Variants in CACNA1G observed in about 807,000 individuals in gnomAD.
CACNA1G encodes calcium voltage-gated channel subunit alpha1 G.
Under a neutral mutation model 219.4 loss-of-function variants are expected in CACNA1G, and 67 were observed. The observed-to-expected ratio is 0.31, with a 90% CI of 0.25 to 0.37. CACNA1G has a LOEUF of 0.37. Ranked by LOEUF, CACNA1G falls within the 10% of genes least tolerant of loss-of-function variation. The pLI, the probability that CACNA1G is intolerant of heterozygous loss-of-function variation, is 1.00. For synonymous variants in CACNA1G, 1,296 were observed against 1,345.3 expected, an observed-to-expected ratio of 0.96 and a Z score of 0.80; for missense variants, 2,380 against 3,231.4, an observed-to-expected ratio of 0.74 and a Z score of 6.39.
Position 50,569,422 on chromosome 17 carries a change from C to T in CACNA1G, c.488+124C>T, listed in dbSNP as rs2038840610. The T allele has an allele frequency of 4.7e-6, 5 of 1,053,504 alleles. No individual in the cohort carries two copies. The South Asian group carries it at 7.3e-5, about 15-fold the overall frequency. 65.3% of individuals were successfully genotyped at this position (1,053,504 alleles called of 1,614,324 possible). A position where few individuals can be genotyped will look rare whatever the true frequency, so the allele number is the denominator to read the frequency against. On this transcript the variant is annotated intron_variant, in intron 3 of 37. Transcript: ENST00000359106. ...ACAGCACCACTTTCTCCCTGGCTAT[C>T]TCCTGAGGGTCTGAGGCTGCCCTGC...
chr17:50,586,877 CGGAGG>C, intron 9 of CACNA1G, among the ~76,000 whole-genome samples: 1 of 152,226 alleles, frequency 6.6e-6, no homozygotes, highest in African/African-American at 2.4e-5. Context: ...AGGTGACAGC[CGGAGG>C]GGAGGGGAGT....
chr17:50,590,331 C>G, intron 9 of CACNA1G, 140 bp from the exon 10 acceptor site: 1 of 951,342 alleles, frequency 1.1e-6, no homozygotes, highest in Non-Finnish European at 1.6e-6. Flanking sequence ...GGGTCCTCCC[C>G]ATGGGCCTGA....
chr17:50,623,838 A>T, intron 35 of CACNA1G, 69 bp from the exon 36 acceptor site: 1 of 1,512,974 alleles, frequency 6.6e-7, no homozygotes, highest in Non-Finnish European at 9.0e-7. Context: ...TTCTGTTGTC[A>T]GCGCTGCCTC....
intron 35 of CACNA1G, among the ~76,000 whole-genome samples, chr17:50,623,484 A>G (rs1225184788): frequency 6.6e-6 from 1 of 151,442 alleles, no homozygotes; most frequent in Non-Finnish European, 1.5e-5. Context: ...CCCTGTGGAC[A>G]CCGGGACTCC....
chr17:50,599,746 GCTT>G lies in CACNA1G; in HGVS notation c.3580_3582del (p.Ser1194del). ...TCGCACTGCCAGTGGCCGAGGGTCT[GCTT>G]CTGAGCACCAGGACTGCAATGGCAA... On this transcript the variant is annotated inframe_deletion, in exon 17 of 38. Transcript: ENST00000359106. 1 of 1,613,644 alleles carries G rather than the reference GCTT, an allele frequency of 6.2e-7. No homozygotes were observed. Among genetic ancestry groups the G allele is most frequent in the Non-Finnish European group, 8.5e-7 (1 of 1,179,822 alleles).
Position 50,596,494 on chromosome 17 carries a change from A to C in CACNA1G, c.2980-68A>C. On this transcript the variant is annotated intron_variant, in intron 14 of 37. Transcript: ENST00000359106. This position sits in a 1 kb window ranked among gnomAD's most constrained non-coding sequence, Gnocchi z 4.8. ...GTGGTGTGCGTGTGTGAAGAGAGGG[A>C]GGCCCGGTCCATCCCAACCACCCAA... The C allele has an allele frequency of 8.0e-7, 1 of 1,254,008 alleles. No individual in the cohort carries two copies. The highest frequency in any genetic ancestry group is 1.2e-5 in the South Asian group (1 of 82,536). The allele number at this position is 1,254,008 out of a possible 1,614,324, so 77.7% of individuals were successfully genotyped here.
At chr17:50,614,719 C>T (rs2050056485) in intron 26 of CACNA1G, among the ~76,000 whole-genome samples, 1 of 152,240 alleles carries the variant, frequency 6.6e-6, no homozygotes, top group Non-Finnish European at 1.5e-5. Context: ...AGGTGGGGCC[C>T]TCCCAGCTTG....
At chr17:50,592,166 C>G in intron 13 of CACNA1G, 74 bp downstream of exon 13, 1 of 1,488,912 alleles carries the variant, frequency 6.7e-7, no homozygotes, top group East Asian at 2.3e-5. Flanking sequence ...TCTTGAGCCT[C>G]CTCCCTCTGT....
rs1358197587 is a variant in CACNA1G at position 50,566,725 on chromosome 17, C to A, written c.243-2145C>A. Reference sequence around the variant, plus strand: ...TGATTGGTTGATTCGTTCATTCATTCATTCAGTCTTCCCAGGTATTGATCA... The same window carrying A: ...TGATTGGTTGATTCGTTCATTCATTAATTCAGTCTTCCCAGGTATTGATCA... On this transcript the variant is annotated intron_variant, in intron 1 of 37. Coordinates refer to ENST00000359106, the MANE Select transcript of CACNA1G (RefSeq NM_018896.5). Among the ~76,000 whole-genome samples the A allele has an allele frequency of 3.3e-5, 5 of 152,246 alleles. No homozygotes were observed. In the East Asian group the frequency reaches 9.6e-4, roughly 29 times the overall value.
intron 28 of CACNA1G, 110 bp downstream of exon 28, chr17:50,616,494 AG>A (rs2050632762): frequency 1.5e-6 from 1 of 653,552 alleles, no homozygotes; most frequent in East Asian, 2.9e-5. Context: ...TTAATTCCTG[AG>A]GTTCAGCCCC....
At position 50,627,348 on chromosome 17, in the gene CACNA1G, GA is replaced by G. The variant is rs199814348; in HGVS notation, c.*607del. The G allele has an allele frequency of 2.3e-3, 759 of 324,498 alleles. No individual in the cohort carries two copies. The highest frequency in any genetic ancestry group is 4.9e-3 in the South Asian group (209 of 42,660). The allele number at this position is 324,498 out of a possible 1,614,324, so 20.1% of individuals were successfully genotyped here. On this transcript the variant is annotated 3_prime_UTR_variant, in exon 38 of 38. Transcript: ENST00000359106. ...TAACCTCGTCATCATTTTCTGTAGG[GA>G]AAAAAAAAAGAAAAAGAAAAAATGA... is the stretch of plus-strand genomic sequence containing the variant.
Position 50,626,856 on chromosome 17 carries a change from G to A in CACNA1G, c.*105G>A, listed in dbSNP as rs910783778. ...AAAGTTCCATATAGACACCAAGGAG[G>A]CGGAGGCGCTCCTCCCTGCCTCAGT... is the stretch of plus-strand genomic sequence containing the variant. On this transcript the variant is annotated 3_prime_UTR_variant, in exon 38 of 38. Transcript: ENST00000359106. The surrounding 1 kb of genome is among the most constrained non-coding windows in gnomAD (Gnocchi z 4.3). 6.9e-7 allele frequency: 1 copy of A among 1,444,712 alleles called. No individual in the cohort carries two copies. The highest frequency in any genetic ancestry group is 9.7e-7 in the Non-Finnish European group (1 of 1,028,798). 89.5% of individuals were successfully genotyped at this position (1,444,712 alleles called of 1,614,324 possible). A position where few individuals can be genotyped will look rare whatever the true frequency, so the allele number is the denominator to read the frequency against.
intron 37 of CACNA1G, 109 bp from the exon 38 acceptor site, chr17:50,625,908 T>A (rs2053678853): frequency 1.6e-6 from 2 of 1,238,744 alleles, no homozygotes; most frequent in African/African-American, 3.0e-5. Flanking sequence ...CTTAGGATAG[T>A]CCTGCTGTGC....
rs1264897146 is a variant in CACNA1G, at chr17:50,561,583, G to A, written c.124G>A (p.Gly42Ser). Residue 42 changes from glycine to serine, a missense_variant, in exon 1 of 38, where the codon GGC becomes AGC. By Grantham distance (56) the Gly-to-Ser change is moderately conservative. This residue lies in a region of CACNA1G where 98 missense variants were observed against 85.5 expected (regional missense o/e 1.15). Transcript: ENST00000359106. ...PGPGSAEKDP[G>S]SADSEAEGLP... ...GCCGGGGTCAGCAGAAAAGGACCCGGGCAGCGCGGACTCCGAGGCGGAGGG... is the reference window on the plus strand; with the variant it reads ...GCCGGGGTCAGCAGAAAAGGACCCGAGCAGCGCGGACTCCGAGGCGGAGGG... 6.4e-7 allele frequency: 1 copy of A among 1,562,412 alleles called. No individual in the cohort carries two copies. The highest frequency in any genetic ancestry group is 8.6e-7 in the Non-Finnish European group (1 of 1,156,518).
intron 35 of CACNA1G, among the ~76,000 whole-genome samples, chr17:50,622,643 G>A (rs2052446430): frequency 6.6e-6 from 1 of 152,166 alleles, no homozygotes; most frequent in Admixed American, 6.5e-5. Flanking sequence ...GGCCCCTACA[G>A]CCTCCCTGGG....
intron 24 of CACNA1G, 181 bp from the exon 25 acceptor site, chr17:50,607,646 T>G (rs1038144760): frequency 1.7e-6 from 1 of 586,044 alleles, no homozygotes; most frequent in Admixed American, 3.0e-5. Flanking sequence ...GAATCTACTC[T>G]CCCCTTTACC....
At chr17:50,622,046 C>T (rs894461694) in intron 35 of CACNA1G, among the ~76,000 whole-genome samples, 3 of 152,220 alleles carry the variant, frequency 2.0e-5, no homozygotes, top group South Asian at 2.1e-4. Context: ...ATAGGAGCAG[C>T]GGCAGCCATT....
Position 50,617,918 on chromosome 17 carries a change from G to T in CACNA1G, c.5215G>T (p.Ala1739Ser). The T allele has an allele frequency of 6.2e-7, 1 of 1,613,744 alleles. No homozygotes were observed. Among genetic ancestry groups the T allele is most frequent in the Non-Finnish European group, 8.5e-7 (1 of 1,179,866 alleles). ...MRALLDTVMQ[A>S]LPQVGNLGLL... Reference sequence around the variant, plus strand: ...GGCGCTGCTGGACACGGTGATGCAGGCCCTGCCCCAGGTAGCCGGGAGGTG... The same window carrying T: ...GGCGCTGCTGGACACGGTGATGCAGTCCCTGCCCCAGGTAGCCGGGAGGTG... Residue 1739 changes from alanine (A) to serine (S), a missense_variant, in exon 30 of 38, where the codon GCC becomes TCC. By Grantham distance (99) the Ala-to-Ser change is moderately conservative. Coordinates refer to ENST00000359106, the MANE Select transcript of CACNA1G (RefSeq NM_018896.5). The surrounding 1 kb of genome is among the most constrained non-coding windows in gnomAD (Gnocchi z 5.8).
chr17:50,602,545 G>A (rs2046941852), intron 19 of CACNA1G, among the ~76,000 whole-genome samples: 1 of 152,220 alleles, frequency 6.6e-6, no homozygotes, highest in Admixed American at 6.5e-5. Context: ...GCACTGCAGT[G>A]CAGATCCTCT....
Sources: gnomAD v4.1 joint callset for allele counts (sites outside exome capture counted in the v4.1 genomes callset) on GRCh38, gnomAD v4.1.1 for gene constraint, gnomAD v4.1.1 regional missense constraint, Gnocchi (gnomAD v3.1) non-coding constraint, MANE v1.5 for transcripts, NCBI Gene and HGNC (gene_info 2026-07-23, HGNC 2026-07-21) for gene names.